CATSPERE: variants seen among roughly 807,000 people sequenced by gnomAD.
CATSPERE encodes the protein cation channel sperm-associated auxiliary subunit epsilon.
A neutral mutation model predicts 114.1 loss-of-function variants in CATSPERE; 93 were observed. The observed-to-expected ratio is 0.81, with a 90% CI of 0.69 to 0.97. The LOEUF (loss-of-function observed/expected upper bound fraction) is 0.97. CATSPERE is among the 50% of genes least tolerant of loss of function. CATSPERE has a pLI of 0.00. For missense variants in CATSPERE, 1,058 were observed against 1,131.6 expected (o/e 0.93, Z 0.93); for synonymous variants, 341 against 384.1 (o/e 0.89, Z 1.31).
intron 9 of CATSPERE, among the ~76,000 whole-genome samples, chr1:244,553,373 C>T (rs1660960850): frequency 6.6e-6 from 1 of 151,622 alleles, no homozygotes; most frequent in Non-Finnish European, 1.5e-5. Flanking sequence ...CATGGTGAAA[C>T]CCCGTCTCTA....
intron 8 of CATSPERE, among the ~76,000 whole-genome samples, chr1:244,526,843 GA>G (rs1187581357): frequency 6.6e-6 from 1 of 152,058 alleles, no homozygotes; most frequent in Non-Finnish European, 1.5e-5. Context: ...ACAAAAGAGA[GA>G]AATTTTAAAG....
At chr1:244,599,231 ACT>A (rs1358251756) in intron 17 of CATSPERE, among the ~76,000 whole-genome samples, 2 of 152,200 alleles carry the variant, frequency 1.3e-5, no homozygotes, top group Non-Finnish European at 2.9e-5. Context: ...TGACACCTCC[ACT>A]GAGATGCTAA....
intron 10 of CATSPERE, among the ~76,000 whole-genome samples, chr1:244,564,194 T>TA (rs1481624367): frequency 2.6e-5 from 4 of 152,106 alleles, no homozygotes; most frequent in Non-Finnish European, 5.9e-5. Flanking sequence ...GTGATACCTC[T>TA]AGCTTTGTTC....
chr1:244,497,093 T>A (rs1029882366), intron 6 of CATSPERE, among the ~76,000 whole-genome samples: 1 of 152,190 alleles, frequency 6.6e-6, no homozygotes, highest in Non-Finnish European at 1.5e-5. Context: ...AAAATAATTT[T>A]ACATTGAATA....
chr1:244,621,115 T>A (rs183573718), intron 20 of CATSPERE, among the ~76,000 whole-genome samples: 12,372 of 61,204 alleles, frequency 0.2, 5,288 homozygotes, highest in African/African-American at 0.29. Flanking sequence ...AATATATATA[T>A]AATATATATA....
chr1:244,461,517 C>A (rs867218915), intron 1 of CATSPERE, 23 bp downstream of exon 1: 4 of 1,289,286 alleles, frequency 3.1e-6, no homozygotes, highest in Non-Finnish European at 4.0e-6. Flanking sequence ...CAGTCGCAGG[C>A]GAGCGACTAG....
At chr1:244,602,990 G>A (rs974916836) in intron 17 of CATSPERE, among the ~76,000 whole-genome samples, 1 of 152,160 alleles carries the variant, frequency 6.6e-6, no homozygotes, top group African/African-American at 2.4e-5. Context: ...TGCAGTTTCT[G>A]TGGGAAGGAA....
chr1:244,567,300 T>A (rs1259436866), intron 10 of CATSPERE, among the ~76,000 whole-genome samples: 1 of 152,198 alleles, frequency 6.6e-6, no homozygotes, highest in Non-Finnish European at 1.5e-5. Context: ...ATTTCAACCT[T>A]GGTGAATCTG....
intron 11 of CATSPERE, among the ~76,000 whole-genome samples, chr1:244,580,767 G>A (rs562454742): frequency 6.8e-4 from 103 of 152,150 alleles, no homozygotes; most frequent in African/African-American, 2.3e-3. Flanking sequence ...CTGGGAGGCC[G>A]AGGCAGGTGG....
At position 244,499,792 on chromosome 1, in the gene CATSPERE, T is replaced by C. The variant is rs202032466; in HGVS notation, c.429+713T>C. On this transcript the variant is annotated intron_variant, in intron 7 of 21. Transcript: ENST00000366534. Reference sequence around the variant, plus strand: ...AAGTCTTTGCTGTTGTGAATAGTGCTGCAATAAACATACGTGTGCATGTGT... The same window carrying C: ...AAGTCTTTGCTGTTGTGAATAGTGCCGCAATAAACATACGTGTGCATGTGT... Among the ~76,000 whole-genome samples the C allele has an allele frequency of 2.0e-5, 3 of 152,150 alleles. No individual in the cohort carries two copies. The East Asian group carries it at 5.8e-4, about 29-fold the overall frequency.
intron 6 of CATSPERE, among the ~76,000 whole-genome samples, chr1:244,498,364 A>G (rs1362054949): frequency 6.6e-6 from 1 of 152,186 alleles, no homozygotes; most frequent in Non-Finnish European, 1.5e-5. Context: ...ATACTTACCT[A>G]TGGGGTGCAG....
Position 244,640,116 on chromosome 1 carries a change from A to T in CATSPERE, c.*35A>T. ...AAGTTTGTTTATTACAGATATATGC[A>T]TATAGAGAAACAGTGTATTACATAG... On this transcript the variant is annotated 3_prime_UTR_variant, in exon 22 of 22. Transcript: ENST00000366534. 1 of 1,465,970 alleles carries T rather than the reference A, an allele frequency of 6.8e-7. No individual in the cohort carries two copies. Among genetic ancestry groups the T allele is most frequent in the Non-Finnish European group, 9.3e-7 (1 of 1,074,022 alleles). The allele number at this position is 1,465,970 out of a possible 1,614,324, so 90.8% of individuals were successfully genotyped here. A position where few individuals can be genotyped will look rare whatever the true frequency, so the allele number is the denominator to read the frequency against.
chr1:244,558,032 C>T (rs1315241330), intron 9 of CATSPERE, among the ~76,000 whole-genome samples: 1 of 151,952 alleles, frequency 6.6e-6, no homozygotes, highest in Non-Finnish European at 1.5e-5. Flanking sequence ...CTCACTGCTG[C>T]CTCAAACTGC....
At chr1:244,529,445 T>C (rs1679248052) in intron 8 of CATSPERE, among the ~76,000 whole-genome samples, 1 of 152,218 alleles carries the variant, frequency 6.6e-6, no homozygotes, top group African/African-American at 2.4e-5. Context: ...CATATACCTA[T>C]TTACCATTTT....
chr1:244,503,387 T>G (rs1029262119), intron 7 of CATSPERE, among the ~76,000 whole-genome samples: 1 of 152,332 alleles, frequency 6.6e-6, no homozygotes, highest in East Asian at 1.9e-4. Context: ...CTCATCATTT[T>G]TCTCCCTTTC....
intron 2 of CATSPERE, among the ~76,000 whole-genome samples, chr1:244,465,985 A>G (rs1386207848): frequency 2.6e-5 from 4 of 152,218 alleles, no homozygotes; most frequent in African/African-American, 9.6e-5. Context: ...TAAATTAACT[A>G]AGTATTCATT....
chr1:244,593,200 G>A (rs539243990), intron 15 of CATSPERE, among the ~76,000 whole-genome samples, 195 bp from the exon 16 acceptor site: 2 of 152,340 alleles, frequency 1.3e-5, no homozygotes, highest in South Asian at 4.1e-4. Context: ...ACAAAGAGAG[G>A]ACAGTAATTC....
Position 244,479,856 on chromosome 1 carries a change from A to G in CATSPERE, c.326+72A>G, listed in dbSNP as rs1210843026. On this transcript the variant is annotated intron_variant, in intron 5 of 21. Coordinates refer to ENST00000366534, the MANE Select transcript of CATSPERE (RefSeq NM_001130957.2). Reference sequence around the variant, plus strand: ...TTAGCTTCAACTTTTAATTAGCCACAAATAGATTATCTATATTACGGTTTC... The same window carrying G: ...TTAGCTTCAACTTTTAATTAGCCACGAATAGATTATCTATATTACGGTTTC... 1.8e-5 allele frequency: 14 copies of G among 793,410 alleles called. No homozygotes were observed. In the East Asian group the frequency reaches 3.6e-4, roughly 20 times the overall value. 49.1% of individuals were successfully genotyped at this position (793,410 alleles called of 1,614,324 possible).
At position 244,518,187 on chromosome 1, in the gene CATSPERE, C is replaced by T. The variant is rs1292128889; in HGVS notation, c.430-405C>T. 3.3e-5 allele frequency among the ~76,000 whole-genome samples: 5 copies of T among 152,130 alleles called. No homozygotes were observed. The East Asian group carries it at 5.8e-4, about 18-fold the overall frequency. On this transcript the variant is annotated intron_variant, in intron 7 of 21. Coordinates refer to ENST00000366534, the MANE Select transcript of CATSPERE (RefSeq NM_001130957.2). ...CGTTTTCCTTAAAGCCCCCAGGTAT[C>T]GTTTGAAACCTACCTTGAAAGAGTA...
Sources: allele counts gnomAD v4.1 joint callset (sites outside exome capture counted in the v4.1 genomes callset), GRCh38; gene constraint gnomAD v4.1.1; transcripts MANE v1.5; gene names NCBI Gene and HGNC (gene_info 2026-07-23, HGNC 2026-07-21).